Variants in TRIP13 observed in about 807,000 individuals in gnomAD.
The protein encoded by TRIP13 is pachytene checkpoint protein 2 homolog.
TRIP13 carries 25 observed loss-of-function variants against 54.4 expected under a neutral mutation model. The observed-to-expected ratio is 0.46, with a 90% CI of 0.33 to 0.64. The LOEUF (loss-of-function observed/expected upper bound fraction) is 0.64. TRIP13 is among the 30% of genes least tolerant of loss of function. The pLI is 0.02. For missense variants in TRIP13, 373 were observed against 534.2 expected (o/e 0.70, Z 2.97); for synonymous variants, 207 against 207.8 (o/e 1.00, Z 0.03).
chr5:914,966 C>G (rs547629446), intron 11 of TRIP13, among the ~76,000 whole-genome samples: 17 of 152,200 alleles, frequency 1.1e-4, no homozygotes, highest in East Asian at 7.7e-4. Flanking sequence ...TTGGTTCCAG[C>G]TGGAGAGAAA....
At chr5:910,081 C>T (rs1158755456) in intron 9 of TRIP13, among the ~76,000 whole-genome samples, 1 of 152,214 alleles carries the variant, frequency 6.6e-6, no homozygotes, top group African/African-American at 2.4e-5. Flanking sequence ...GCCTCCCCTG[C>T]CTCTGGCTTC....
chr5:916,038 C>G, intron 12 of TRIP13, 65 bp downstream of exon 12: 2 of 1,495,018 alleles, frequency 1.3e-6, no homozygotes, highest in Non-Finnish European at 9.3e-7. Context: ...GCCGGAGATT[C>G]CGCTTAGTAG....
At position 912,093 on chromosome 5, in the gene TRIP13, G is replaced by A; in HGVS notation, c.1020+97G>A. The A allele has an allele frequency of 1.4e-6, 2 of 1,437,556 alleles. No homozygotes were observed. The highest frequency in any genetic ancestry group is 1.9e-6 in the Non-Finnish European group (2 of 1,071,386). 89.1% of individuals were successfully genotyped at this position (1,437,556 alleles called of 1,614,324 possible). On this transcript the variant is annotated intron_variant, in intron 10 of 12. Transcript: ENST00000166345. The surrounding 1 kb of genome is among the most constrained non-coding windows in gnomAD (Gnocchi z 7.2). ...AAAATAAGCTCGTTCCAGTACGGAGGATTTCAACATATGCATTAACTCCCT... is the reference window on the plus strand; with the variant it reads ...AAAATAAGCTCGTTCCAGTACGGAGAATTTCAACATATGCATTAACTCCCT...
At chr5:914,403 G>C in intron 10 of TRIP13, 62 bp from the exon 11 acceptor site, 1 of 1,178,810 alleles carries the variant, frequency 8.5e-7, no homozygotes, top group Admixed American at 1.8e-5. Context: ...CCCTCTTGCT[G>C]ACGGTGCCTA....
At chr5:893,164 C>A (rs2150676029) in intron 1 of TRIP13, 74 bp downstream of exon 1, 2 of 1,373,474 alleles carry the variant, frequency 1.5e-6, no homozygotes, top group African/African-American at 1.5e-5. Flanking sequence ...CGAGCCCCGA[C>A]CCCAGCGCAC....
At chr5:914,362 G>A in intron 10 of TRIP13, 103 bp from the exon 11 acceptor site, 3 of 746,934 alleles carry the variant, frequency 4.0e-6, no homozygotes, top group Non-Finnish European at 7.0e-6. Flanking sequence ...GTGAGACGTG[G>A]CGTGGTTGAC....
chr5:909,698 C>T (rs1754190295), intron 9 of TRIP13, among the ~76,000 whole-genome samples: 1 of 152,238 alleles, frequency 6.6e-6, no homozygotes, highest in Non-Finnish European at 1.5e-5. Flanking sequence ...TTATTAACAG[C>T]AAGCCAGTCA....
chr5:895,078 T>C, intron 2 of TRIP13, 126 bp downstream of exon 2: 1 of 1,093,682 alleles, frequency 9.1e-7, no homozygotes, highest in Non-Finnish European at 1.3e-6. Context: ...TTTGGGTGGC[T>C]AGACAAGTTC....
At position 910,268 on chromosome 5, in the gene TRIP13, C is replaced by T. The variant is rs1195756570; in HGVS notation, c.867-1575C>T. Reference sequence around the variant, plus strand: ...GGCCCCTTCCCTGAATCTCTTTGTGCCTCCCTCCCCGGCCTCCATTCTCCT... The same window carrying T: ...GGCCCCTTCCCTGAATCTCTTTGTGTCTCCCTCCCCGGCCTCCATTCTCCT... On this transcript the variant is annotated intron_variant, in intron 9 of 12. Transcript: ENST00000166345. Among the ~76,000 whole-genome samples the T allele has an allele frequency of 2.6e-5, 4 of 152,336 alleles. No individual in the cohort carries two copies. The East Asian group carries it at 5.8e-4, about 22-fold the overall frequency.
Position 894,917 on chromosome 5 carries a change from A to C in TRIP13, c.223A>C (p.Ile75Leu). 1 of 1,612,828 alleles carries C rather than the reference A, an allele frequency of 6.2e-7. No homozygotes were observed. The highest frequency in any genetic ancestry group is 8.5e-7 in the Non-Finnish European group (1 of 1,179,740). ...GACCAGAAATGTGCAGTCTGTGTCT[A>C]TTATTGACACAGAATTAAAGGTTAA... ...FLTRNVQSVS[I>L]IDTELKVKDS... Residue 75 changes from isoleucine (I) to leucine (L), a missense_variant, in exon 2 of 13, where the codon ATT becomes CTT. This residue lies in a region of TRIP13 where 151 missense variants were observed against 151.9 expected (regional missense o/e 0.99). Transcript: ENST00000166345.
rs958445728 is a variant in TRIP13 at position 908,761 on chromosome 5, A to T, written c.866+300A>T. The T allele has an allele frequency of 1.3e-6, 1 of 781,920 alleles. No individual in the cohort carries two copies. The highest frequency in any genetic ancestry group is 1.7e-6 in the Non-Finnish European group (1 of 586,512). 48.4% of individuals were successfully genotyped at this position (781,920 alleles called of 1,614,324 possible). Reference sequence around the variant, plus strand: ...ATCACAAGGTCAGTAGATTGAGACCATCCTGGCTGACACGGTGAAACCCTG... The same window carrying T: ...ATCACAAGGTCAGTAGATTGAGACCTTCCTGGCTGACACGGTGAAACCCTG... On this transcript the variant is annotated intron_variant, in intron 9 of 12. Coordinates refer to ENST00000166345, the MANE Select transcript of TRIP13 (RefSeq NM_004237.4). This position sits in a 1 kb window ranked among gnomAD's most constrained non-coding sequence, Gnocchi z 5.2.
downstream of TRIP13, among the ~76,000 whole-genome samples, chr5:918,629 A>T (rs1754378421): frequency 6.6e-6 from 1 of 152,194 alleles, no homozygotes; most frequent in African/African-American, 2.4e-5. The surrounding 1 kb of genome is among the most constrained non-coding windows in gnomAD (Gnocchi z 4.3). Flanking sequence ...AGATACATAT[A>T]TAAAGGGGAG....
intron 1 of TRIP13, among the ~76,000 whole-genome samples, chr5:894,213 G>C (rs932931772): frequency 2.0e-5 from 3 of 152,188 alleles, no homozygotes; most frequent in African/African-American, 7.2e-5. Flanking sequence ...GACTGCAGTT[G>C]ATCAGGCCAG....
chr5:893,673 G>A (rs894611199), intron 1 of TRIP13: 1 of 160,458 alleles, frequency 6.2e-6, no homozygotes, highest in Non-Finnish European at 1.4e-5. Context: ...GGCGGGGCCA[G>A]ACCTTCACAG....
Position 911,255 on chromosome 5 carries a change from A to G in TRIP13, c.867-588A>G, listed in dbSNP as rs1185662909. Among the ~76,000 whole-genome samples the G allele has an allele frequency of 6.6e-6, 1 of 152,212 alleles. No individual in the cohort carries two copies. The highest frequency in any genetic ancestry group is 1.5e-5 in the Non-Finnish European group (1 of 68,020). ...ACCAGAGCCCACGGTAGGTGGCACAATCAGGAACGCCATGCGAAAGTGAGA... is the reference window on the plus strand; with the variant it reads ...ACCAGAGCCCACGGTAGGTGGCACAGTCAGGAACGCCATGCGAAAGTGAGA... On this transcript the variant is annotated intron_variant, in intron 9 of 12. Coordinates refer to ENST00000166345, the MANE Select transcript of TRIP13 (RefSeq NM_004237.4). This position sits in a 1 kb window ranked among gnomAD's most constrained non-coding sequence, Gnocchi z 4.7.
intron 6 of TRIP13, among the ~76,000 whole-genome samples, chr5:905,322 C>T (rs1417706148): frequency 3.3e-5 from 5 of 152,130 alleles, no homozygotes; most frequent in East Asian, 3.9e-4. Flanking sequence ...AGACCACGGG[C>T]GCCCTTTACA....
chr5:893,161 C>G (rs924376387), intron 1 of TRIP13, 71 bp downstream of exon 1: 12 of 1,404,756 alleles, frequency 8.5e-6, no homozygotes, highest in African/African-American at 2.9e-5. Context: ...CACCGAGCCC[C>G]GACCCCAGCG....
chr5:904,236 CTG>C lies in TRIP13; in HGVS notation c.608+19_608+20del. On this transcript the variant is annotated intron_variant, in intron 6 of 12. Transcript: ENST00000166345. ...TTTCAAGCAGGTAACTTTCGGTAAT[CTG>C]TGAGAGGAGAGCCATGGGAATGGGA... 1 of 1,598,310 alleles carries C rather than the reference CTG, an allele frequency of 6.3e-7. No homozygotes were observed. Among genetic ancestry groups the C allele is most frequent in the Non-Finnish European group, 8.5e-7 (1 of 1,174,198 alleles).
chr5:900,374 C>A, intron 3 of TRIP13, 120 bp from the exon 4 acceptor site: 1 of 947,004 alleles, frequency 1.1e-6, no homozygotes, highest in Non-Finnish European at 1.6e-6. Flanking sequence ...TAATCAGAAT[C>A]ATAGTCTTGC....
Sources: allele counts gnomAD v4.1 joint callset (sites outside exome capture counted in the v4.1 genomes callset), GRCh38; gene constraint gnomAD v4.1.1; regional missense constraint gnomAD v4.1.1; non-coding constraint Gnocchi (gnomAD v3.1); transcripts MANE v1.5; gene names NCBI Gene and HGNC (gene_info 2026-07-23, HGNC 2026-07-21).